Variants in DAW1 observed in about 807,000 individuals in gnomAD.
The protein encoded by DAW1 is dynein assembly factor with WD repeat domains 1.
A neutral mutation model predicts 56.5 loss-of-function variants in DAW1; 47 were observed. The ratio of observed to expected loss-of-function variants is 0.83; its 90% CI spans 0.66 to 1.06. DAW1 has a LOEUF of 1.06. Among genes scored for constraint, DAW1 ranks in the 50% least tolerant of loss-of-function variants. The pLI is 0.00. For synonymous variants in DAW1, 190 were observed against 179.0 expected, an observed-to-expected ratio of 1.06 and a Z score of -0.49; for missense variants, 505 against 499.3, an observed-to-expected ratio of 1.01 and a Z score of -0.11.
At chr2:227,874,899 G>A (rs190774578) in intron 1 of DAW1, among the ~76,000 whole-genome samples, 113 of 152,186 alleles carry the variant, frequency 7.4e-4, no homozygotes, top group African/African-American at 2.5e-3. Flanking sequence ...GGAGGTGGAG[G>A]TTGCAGTGAG....
At chr2:227,906,445 G>T in intron 9 of DAW1, 107 bp downstream of exon 9, 3 of 795,110 alleles carry the variant, frequency 3.8e-6, no homozygotes, top group Non-Finnish European at 5.2e-6. Context: ...ATAAAATTAA[G>T]ATATTAATTT....
chr2:227,906,319 C>T lies in DAW1; in HGVS notation c.839C>T (p.Ser280Phe), dbSNP rs1490532870. The change falls in exon 9 of 13, where the codon TCT becomes TTT. Residue 280 changes from serine to phenylalanine, a missense_variant. Coordinates refer to ENST00000309931, the MANE Select transcript of DAW1 (RefSeq NM_178821.3). ...NWDCSLILTGSMDKTCKLWDA... is the reference protein window; with the variant it reads ...NWDCSLILTGFMDKTCKLWDA... ...GATTGCTCTCTAATATTAACTGGCTCTATGGACAAAACCTGCAAGGTGAGC... is the reference window on the plus strand; with the variant it reads ...GATTGCTCTCTAATATTAACTGGCTTTATGGACAAAACCTGCAAGGTGAGC... 5.0e-6 allele frequency: 8 copies of T among 1,611,172 alleles called. No homozygotes were observed. The highest frequency in any genetic ancestry group is 5.9e-6 in the Non-Finnish European group (7 of 1,178,178).
intron 1 of DAW1, among the ~76,000 whole-genome samples, chr2:227,880,646 G>T (rs1574648215): frequency 6.6e-6 from 1 of 152,164 alleles, no homozygotes; most frequent in East Asian, 1.9e-4. Context: ...CTAAAATCTT[G>T]CAGTTCATTA....
intron 1 of DAW1, chr2:227,876,621 C>A (rs910122532): frequency 3.2e-6 from 2 of 631,270 alleles, no homozygotes; most frequent in Non-Finnish European, 4.6e-6. Flanking sequence ...AATTTTCGCC[C>A]TCCCACTTTC....
At chr2:227,923,195 C>T (rs951660867) in intron 12 of DAW1, among the ~76,000 whole-genome samples, 3 of 152,214 alleles carry the variant, frequency 2.0e-5, no homozygotes, top group Non-Finnish European at 4.4e-5. Flanking sequence ...ACACTTTTCT[C>T]TTGCCATCGA....
At chr2:227,892,521 A>C (rs1387248696) in intron 4 of DAW1, among the ~76,000 whole-genome samples, 1 of 152,240 alleles carries the variant, frequency 6.6e-6, no homozygotes, top group Non-Finnish European at 1.5e-5. Context: ...TGACTTCAAC[A>C]TATAAATTTT....
At chr2:227,877,378 T>C (rs990305759) in intron 1 of DAW1, among the ~76,000 whole-genome samples, 56 of 152,206 alleles carry the variant, frequency 3.7e-4, no homozygotes, top group African/African-American at 1.4e-3. Context: ...GTCTCAAACT[T>C]CTGAACTCAA....
At chr2:227,916,233 T>C (rs1691949656) in intron 10 of DAW1, among the ~76,000 whole-genome samples, 1 of 152,186 alleles carries the variant, frequency 6.6e-6, no homozygotes, top group Admixed American at 6.5e-5. Flanking sequence ...TTAACAGCAG[T>C]ACATTAATTT....
intron 10 of DAW1, chr2:227,912,373 C>T (rs766611814): frequency 7.7e-7 from 1 of 1,304,664 alleles, no homozygotes; most frequent in African/African-American, 1.5e-5. Flanking sequence ...ATGTCACGTT[C>T]TTGGTAATCA....
intron 2 of DAW1, among the ~76,000 whole-genome samples, chr2:227,888,842 T>C (rs1396672110): frequency 6.6e-6 from 1 of 152,252 alleles, no homozygotes; most frequent in Non-Finnish European, 1.5e-5. Flanking sequence ...TATGAATTAT[T>C]TGAATGCTAG....
chr2:227,917,224 T>C (rs1197258214), intron 10 of DAW1, among the ~76,000 whole-genome samples: 1 of 151,974 alleles, frequency 6.6e-6, no homozygotes, highest in Non-Finnish European at 1.5e-5. Flanking sequence ...ATCTACTTTT[T>C]CTTCTTTATT....
At chr2:227,904,877 C>A in intron 7 of DAW1, 52 bp from the exon 8 acceptor site, 1 of 1,508,704 alleles carries the variant, frequency 6.6e-7, no homozygotes, top group South Asian at 1.1e-5. Context: ...TGTACGCTTG[C>A]AGAAATTGTT....
At chr2:227,896,946 C>T (rs926101240) in intron 5 of DAW1, among the ~76,000 whole-genome samples, 7 of 151,756 alleles carry the variant, frequency 4.6e-5, no homozygotes, top group African/African-American at 9.7e-5. Context: ...TTTAGCCAAG[C>T]ATGGTGACAT....
chr2:227,908,857 T>C (rs937779140), intron 10 of DAW1, among the ~76,000 whole-genome samples: 1 of 152,182 alleles, frequency 6.6e-6, no homozygotes, highest in Non-Finnish European at 1.5e-5. Flanking sequence ...GCATAGAATT[T>C]GAAGTATGAA....
chr2:227,877,270 TG>T (rs901109952), intron 1 of DAW1, among the ~76,000 whole-genome samples: 2 of 152,214 alleles, frequency 1.3e-5, no homozygotes, highest in African/African-American at 4.8e-5. Context: ...CCTCTGCCTC[TG>T]TCTCCCGAGT....
rs1691341609 is a variant in DAW1 at position 227,893,893 on chromosome 2, C to A, written c.416C>A (p.Ala139Asp). 2.5e-6 allele frequency: 4 copies of A among 1,611,986 alleles called. No individual in the cohort carries two copies. Among genetic ancestry groups the A allele is most frequent in the Non-Finnish European group, 3.4e-6 (4 of 1,179,184 alleles). Residue 139 changes from alanine (A) to aspartate (D), a missense_variant, in exon 5 of 13, where the codon GCC (alanine) becomes GAC (aspartate). Transcript: ENST00000309931. ...GAGGGCCACAGGAATGTGGTTTATG[C>A]CATAGCATTCAACAATCCTTACGGG... ...TLEGHRNVVYAIAFNNPYGDK... is the reference protein window; with the variant it reads ...TLEGHRNVVYDIAFNNPYGDK...
intron 6 of DAW1, among the ~76,000 whole-genome samples, chr2:227,899,331 C>A (rs557303264): frequency 6.6e-6 from 1 of 152,296 alleles, no homozygotes; most frequent in South Asian, 2.1e-4. Context: ...ATATTTAACT[C>A]ACTAACTTTG....
At chr2:227,906,407 T>G in intron 9 of DAW1, 69 bp downstream of exon 9, 3 of 1,002,098 alleles carry the variant, frequency 3.0e-6, no homozygotes, top group Non-Finnish European at 2.9e-6. Context: ...AGATATCCAT[T>G]GTAACATTAA....
rs113681114 is a variant in DAW1, at chr2:227,907,046, A to G, written c.859-92A>G. Reference sequence around the variant, plus strand: ...TTTTTGCACAGTTATTTAACCAGCCATAAGCATGTCATGAAGACCACTGGC... The same window carrying G: ...TTTTTGCACAGTTATTTAACCAGCCGTAAGCATGTCATGAAGACCACTGGC... On this transcript the variant is annotated intron_variant, in intron 9 of 12. Transcript: ENST00000309931. 1.0e-3 allele frequency: 795 copies of G among 790,032 alleles called. 7 individuals are homozygous for G. The African/African-American group carries it at 0.012, about 12-fold the overall frequency. The allele number at this position is 790,032 out of a possible 1,614,324, so 48.9% of individuals were successfully genotyped here. A position where few individuals can be genotyped will look rare whatever the true frequency, so the allele number is the denominator to read the frequency against.
Sources: gnomAD v4.1 joint callset for allele counts (sites outside exome capture counted in the v4.1 genomes callset) on GRCh38, gnomAD v4.1.1 for gene constraint, MANE v1.5 for transcripts, NCBI Gene and HGNC (gene_info 2026-07-23, HGNC 2026-07-21) for gene names.